ADCYAP1R1: variants seen among roughly 807,000 people sequenced by gnomAD.
The protein encoded by ADCYAP1R1 is pituitary adenylate cyclase-activating polypeptide type I receptor.
In ADCYAP1R1, 44 loss-of-function variants were observed where a neutral mutation model predicts 67.6. The observed-to-expected ratio is 0.65, with a 90% confidence interval of 0.51 to 0.84. The LOEUF (loss-of-function observed/expected upper bound fraction) is 0.84. Ranked by LOEUF, ADCYAP1R1 falls within the 40% of genes least tolerant of loss-of-function variation. The pLI, the probability that ADCYAP1R1 is intolerant of heterozygous loss-of-function variation, is 0.00. For missense variants in ADCYAP1R1, 477 were observed against 587.9 expected (o/e 0.81, Z 1.95); for synonymous variants, 222 against 219.6 (o/e 1.01, Z -0.10).
chr7:31,066,772 A>G (rs1198639714), intron 3 of ADCYAP1R1, among the ~76,000 whole-genome samples: 1 of 152,226 alleles, frequency 6.6e-6, no homozygotes, highest in African/African-American at 2.4e-5. Context: ...CCCTTGAGCT[A>G]GGCCCAAGGG....
Position 31,108,659 on chromosome 7 carries a change from C to T in ADCYAP1R1, c.*1975C>T, listed in dbSNP as rs1181505042. 4 of 152,168 alleles carry T rather than the reference C, an allele frequency of 2.6e-5. No individual in the cohort carries two copies. The highest frequency in any genetic ancestry group is 2.1e-4 in the South Asian group (1 of 4,824). 9.4% of individuals were successfully genotyped at this position (152,168 alleles called of 1,614,324 possible). On this transcript the variant is annotated 3_prime_UTR_variant, in exon 16 of 16. Transcript: ENST00000304166. ...GCAACTTCCAATGCTTCTCTAGGCC[C>T]TGCACGTAAGTGATTTTTCCAGTTC...
chr7:31,052,832 C>A (rs1794073033), intron 1 of ADCYAP1R1, among the ~76,000 whole-genome samples, 154 bp downstream of exon 1: 1 of 152,188 alleles, frequency 6.6e-6, no homozygotes, highest in Admixed American at 6.5e-5. Context: ...CGAGGGCCGG[C>A]GCCAGGCAAG....
At chr7:31,072,218 G>A (rs1284681536) in intron 3 of ADCYAP1R1, among the ~76,000 whole-genome samples, 1 of 152,134 alleles carries the variant, frequency 6.6e-6, no homozygotes, top group Non-Finnish European at 1.5e-5. Flanking sequence ...GGTAGGAGGT[G>A]GAGCTCAACT....
At chr7:31,090,887 C>CGT (rs1369199627) in intron 12 of ADCYAP1R1, among the ~76,000 whole-genome samples, 1 of 152,140 alleles carries the variant, frequency 6.6e-6, no homozygotes, top group Non-Finnish European at 1.5e-5. Flanking sequence ...CATACCAATG[C>CGT]GTGTGTCTTT....
At position 31,086,918 on chromosome 7, in the gene ADCYAP1R1, G is replaced by A. The variant is rs1243261001; in HGVS notation, c.824-25G>A. The stretch of plus-strand genomic sequence containing the variant: ...GACATGTTGGTTTTCCTGTTCTCAC[G>A]GACCTCTTTTTCTTGTTCTCCCAGG... On this transcript the variant is annotated intron_variant, in intron 10 of 15. Coordinates refer to ENST00000304166, the MANE Select transcript of ADCYAP1R1 (RefSeq NM_001118.5). This position sits in a 1 kb window ranked among gnomAD's most constrained non-coding sequence, Gnocchi z 5.0. The A allele has an allele frequency of 5.0e-6, 8 of 1,613,742 alleles. No homozygotes were observed. The Admixed American group carries it at 6.7e-5, about 13-fold the overall frequency.
At chr7:31,061,996 C>T (rs1794523932) in intron 1 of ADCYAP1R1, among the ~76,000 whole-genome samples, 1 of 152,166 alleles carries the variant, frequency 6.6e-6, no homozygotes, top group Non-Finnish European at 1.5e-5. Context: ...TTTTAAATAA[C>T]CATAACCATC....
At chr7:31,065,614 T>C (rs1009513063) in intron 3 of ADCYAP1R1, among the ~76,000 whole-genome samples, 11 of 152,134 alleles carry the variant, frequency 7.2e-5, no homozygotes, top group Non-Finnish European at 1.6e-4. Context: ...TAAGAACCAG[T>C]GGCCCCATCG....
intron 1 of ADCYAP1R1, 115 bp downstream of exon 1, chr7:31,052,793 A>T (rs1256211737): frequency 6.6e-6 from 1 of 152,152 alleles, no homozygotes; most frequent in Non-Finnish European, 1.5e-5. Context: ...GGTCTCCGCC[A>T]GCCGCGACCT....
In ADCYAP1R1 at chr7:31,095,709, C is replaced by T. The variant is rs543817913; in HGVS notation, c.1046+2974C>T. On this transcript the variant is annotated intron_variant, in intron 13 of 15. Transcript: ENST00000304166. ...GAGTCCCCAAGAAAGCCCGAGAGGA[C>T]CCCCTGCCTGTGCCCTCAGACCAGC... 139 of 718,084 alleles carry T rather than the reference C, an allele frequency of 1.9e-4. 1 individual carries two copies. The African/African-American group carries it at 2.0e-3, about 10-fold the overall frequency. 44.5% of individuals were successfully genotyped at this position (718,084 alleles called of 1,614,324 possible).
In ADCYAP1R1 at chr7:31,102,399, C is replaced by G. The variant is rs1300005399; in HGVS notation, c.1047-838C>G. ...ATGCTTGTGAGTGTCCCCTATAGAGCAGGACCCACAAGTGCACATGGTCCA... is the reference window on the plus strand; with the variant it reads ...ATGCTTGTGAGTGTCCCCTATAGAGGAGGACCCACAAGTGCACATGGTCCA... On this transcript the variant is annotated intron_variant, in intron 13 of 15. Coordinates refer to ENST00000304166, the MANE Select transcript of ADCYAP1R1 (RefSeq NM_001118.5). The surrounding 1 kb of genome is among the most constrained non-coding windows in gnomAD (Gnocchi z 4.3). 6.6e-6 allele frequency among the ~76,000 whole-genome samples: 1 copy of G among 152,188 alleles called. No individual in the cohort carries two copies. Among genetic ancestry groups the G allele is most frequent in the Non-Finnish European group, 1.5e-5 (1 of 68,024 alleles).
chr7:31,094,034 T>C (rs1796080544), intron 13 of ADCYAP1R1, among the ~76,000 whole-genome samples: 1 of 152,070 alleles, frequency 6.6e-6, no homozygotes, highest in Admixed American at 6.5e-5. Context: ...TGGAAACCCT[T>C]CCTCAGGGGT....
intron 12 of ADCYAP1R1, among the ~76,000 whole-genome samples, chr7:31,088,171 C>T (rs978867510): frequency 2.6e-5 from 4 of 152,206 alleles, no homozygotes; most frequent in Non-Finnish European, 5.9e-5. Context: ...GTACATTTCT[C>T]CATCTCGCTA....
intron 1 of ADCYAP1R1, among the ~76,000 whole-genome samples, chr7:31,053,629 G>T (rs1439310854): frequency 6.6e-6 from 1 of 152,256 alleles, no homozygotes; most frequent in East Asian, 1.9e-4. Context: ...TGGGGGTGGG[G>T]TGGTGGACAC....
chr7:31,063,196 C>T lies in ADCYAP1R1; in HGVS notation c.-69C>T. 6.3e-7 allele frequency: 1 copy of T among 1,594,106 alleles called. No homozygotes were observed. The highest frequency in any genetic ancestry group is 8.6e-7 in the Non-Finnish European group (1 of 1,161,968). ...TCACACCTTTCCTTCCTCTCTAGCC[C>T]AGAGACACATTGGGGCTGACCTGCC... On this transcript the variant is annotated splice_region_variant and 5_prime_UTR_variant, in exon 2 of 16. Coordinates refer to ENST00000304166, the MANE Select transcript of ADCYAP1R1 (RefSeq NM_001118.5).
At position 31,104,785 on chromosome 7, in the gene ADCYAP1R1, C is replaced by T. The variant is rs1319248835; in HGVS notation, c.1177-83C>T. The T allele has an allele frequency of 4.7e-6, 7 of 1,495,740 alleles. No individual in the cohort carries two copies. In the Admixed American group the frequency reaches 1.2e-4, roughly 25 times the overall value. 92.7% of individuals were successfully genotyped at this position (1,495,740 alleles called of 1,614,324 possible). ...CCAGGTCATGGTGTATTTCTGCTTCCTAGAGTCATCCCCTCCATGCCCCAC... is the reference window on the plus strand; with the variant it reads ...CCAGGTCATGGTGTATTTCTGCTTCTTAGAGTCATCCCCTCCATGCCCCAC... On this transcript the variant is annotated intron_variant, in intron 14 of 15. Coordinates refer to ENST00000304166, the MANE Select transcript of ADCYAP1R1 (RefSeq NM_001118.5).
At chr7:31,082,927 G>A (rs1541516) in intron 6 of ADCYAP1R1, among the ~76,000 whole-genome samples, 35,096 of 152,222 alleles carry the variant, frequency 0.23, 6,373 homozygotes, top group African/African-American at 0.51. Context: ...TGCAGGAAGC[G>A]AGGGACACAG....
At chr7:31,058,244 T>C (rs1794340357) in intron 1 of ADCYAP1R1, among the ~76,000 whole-genome samples, 2 of 152,120 alleles carry the variant, frequency 1.3e-5, no homozygotes, top group South Asian at 4.1e-4. Context: ...GGCTGGAGGG[T>C]CTCTGAGTCC....
At chr7:31,093,764 C>T (rs562542575) in intron 13 of ADCYAP1R1, among the ~76,000 whole-genome samples, 1 of 152,054 alleles carries the variant, frequency 6.6e-6, no homozygotes, top group African/African-American at 2.4e-5. Flanking sequence ...GGTCCATGGT[C>T]CTGCCTTCAT....
intron 13 of ADCYAP1R1, among the ~76,000 whole-genome samples, chr7:31,093,035 G>A (rs1258832893): frequency 2.0e-5 from 3 of 152,150 alleles, no homozygotes; most frequent in Non-Finnish European, 4.4e-5. Flanking sequence ...TCCTAAGGGA[G>A]GTAGGGTCTT....
Sources: allele counts gnomAD v4.1 joint callset (sites outside exome capture counted in the v4.1 genomes callset), GRCh38; gene constraint gnomAD v4.1.1; non-coding constraint Gnocchi (gnomAD v3.1); transcripts MANE v1.5; gene names NCBI Gene and HGNC (gene_info 2026-07-23, HGNC 2026-07-21).